JKAMP: variants seen among roughly 807,000 people sequenced by gnomAD.
JKAMP encodes JNK1/MAPK8-associated membrane protein.
Under a neutral mutation model 40.2 loss-of-function variants are expected in JKAMP, and 20 were observed. The observed-to-expected ratio is 0.50, with a 90% CI of 0.35 to 0.72. JKAMP has a LOEUF of 0.72. Ranked by LOEUF, JKAMP falls within the 30% of genes least tolerant of loss-of-function variation. JKAMP has a pLI of 0.01. For synonymous variants in JKAMP, 138 were observed against 131.6 expected (o/e 1.05, Z -0.33); for missense variants, 276 against 373.0 (o/e 0.74, Z 2.14).
At chr14:59,502,263 T>C (rs984613622) in intron 6 of JKAMP, among the ~76,000 whole-genome samples, 1 of 152,208 alleles carries the variant, frequency 6.6e-6, no homozygotes, top group Non-Finnish European at 1.5e-5. Flanking sequence ...GAACTCTTTG[T>C]TCTAAGGCCA....
chr14:59,492,050 T>C (rs1005902161), intron 3 of JKAMP, among the ~76,000 whole-genome samples: 5 of 152,176 alleles, frequency 3.3e-5, no homozygotes, highest in Admixed American at 6.5e-5. Context: ...CTAGGACTTA[T>C]TGGTACATGC....
intron 3 of JKAMP, among the ~76,000 whole-genome samples, chr14:59,490,982 C>G (rs185038813): frequency 6.6e-6 from 1 of 152,182 alleles, no homozygotes; most frequent in African/African-American, 2.4e-5. Flanking sequence ...AATGCTCAGA[C>G]AGGAAAGGAG....
chr14:59,496,117 GCTGGTCTTGAACTC>G (rs1256683013), intron 4 of JKAMP, among the ~76,000 whole-genome samples: 1 of 152,158 alleles, frequency 6.6e-6, no homozygotes, highest in Non-Finnish European at 1.5e-5. Context: ...TGTTGGCCAG[GCTGGTCTTGAACTC>G]CTGGCCTTAA....
At position 59,498,722 on chromosome 14, in the gene JKAMP, T is replaced by A; in HGVS notation, c.459-5T>A. 1 of 1,396,348 alleles carries A rather than the reference T, an allele frequency of 7.2e-7. No individual in the cohort carries two copies. Among genetic ancestry groups the A allele is most frequent in the Non-Finnish European group, 9.8e-7 (1 of 1,016,144 alleles). 86.5% of individuals were successfully genotyped at this position (1,396,348 alleles called of 1,614,324 possible). On this transcript the variant is annotated splice_region_variant and splice_polypyrimidine_tract_variant and intron_variant, in intron 4 of 6. Transcript: ENST00000616435. ...ATGTTACAAATTCTTTATTTTATTT[T>A]ACAGATATACCATTGTATTTATCTA... is the stretch of plus-strand genomic sequence containing the variant.
intron 4 of JKAMP, among the ~76,000 whole-genome samples, chr14:59,496,408 G>T (rs1313691182): frequency 2.6e-5 from 4 of 151,334 alleles, no homozygotes; most frequent in Non-Finnish European, 5.9e-5. Context: ...GGTCCTATTT[G>T]GAAAACTTAA....
At chr14:59,503,336 T>C (rs954984428) in intron 6 of JKAMP, among the ~76,000 whole-genome samples, 1 of 152,202 alleles carries the variant, frequency 6.6e-6, no homozygotes, top group Non-Finnish European at 1.5e-5. Flanking sequence ...AATTTCTGCA[T>C]AGCATACAGG....
intron 6 of JKAMP, among the ~76,000 whole-genome samples, chr14:59,502,773 T>TGTTTTTGTTTTTTTTTTTTTTTTG (rs796697193): frequency 9.7e-6 from 1 of 102,836 alleles, no homozygotes; most frequent in African/African-American, 3.9e-5. Flanking sequence ...TTTTTTTTTT[T>TGTTTTTGTTTTTTTTTTTTTTTTG]CGGAGTCTCA....
intron 4 of JKAMP, among the ~76,000 whole-genome samples, chr14:59,497,738 C>T (rs1223094438): frequency 2.0e-5 from 3 of 151,986 alleles, no homozygotes; most frequent in African/African-American, 7.3e-5. Context: ...AAAATTATCA[C>T]CCAAGAGATC....
At chr14:59,486,600 CAT>C in intron 1 of JKAMP, 111 bp from the exon 2 acceptor site, 1 of 709,810 alleles carries the variant, frequency 1.4e-6, no homozygotes, top group Non-Finnish European at 2.4e-6. Flanking sequence ...TTGTCTAATA[CAT>C]ATTATTCAAA....
rs748901420 is a variant in JKAMP, at chr14:59,495,196, C to T, written c.430C>T (p.His144Tyr). The T allele has an allele frequency of 5.6e-6, 9 of 1,612,424 alleles. No individual in the cohort carries two copies. Among genetic ancestry groups the T allele is most frequent in the South Asian group, 3.3e-5 (3 of 91,062 alleles). Reference protein sequence around the residue: ...NPSPDYVTTVHCTHEAVYPLY... With the variant: ...NPSPDYVTTVYCTHEAVYPLY... ...AAGTCCAGATTACGTTACCACAGTA[C>T]ACTGTACTCATGAAGCCGTCTACCC... is the stretch of plus-strand genomic sequence containing the variant. Residue 144 changes from histidine to tyrosine, a missense_variant, in exon 4 of 7, where the codon CAC becomes TAC. His to Tyr is a moderately conservative substitution (Grantham distance 83). Transcript: ENST00000616435.
chr14:59,496,499 T>C (rs1311621034), intron 4 of JKAMP, among the ~76,000 whole-genome samples: 1 of 152,156 alleles, frequency 6.6e-6, no homozygotes, highest in Non-Finnish European at 1.5e-5. Context: ...AGCGATAGTC[T>C]CATTTATGTT....
In JKAMP at chr14:59,503,897, T is replaced by C; in HGVS notation, c.761T>C (p.Leu254Pro). The part of the protein sequence containing the change: ...LLVRKKRLIV[L>P]FSHWLLHAYG... ...GTCAGAAAGAAAAGACTTATTGTTC[T>C]CTTCAGCCACTGGTTACTTCATGCC... Residue 254 changes from leucine (L) to proline (P), a missense_variant, in exon 7 of 7, where the codon CTC becomes CCC. By Grantham distance (98) the Leu-to-Pro change is moderately conservative. Transcript: ENST00000616435. The C allele has an allele frequency of 6.2e-7, 1 of 1,613,512 alleles. No homozygotes were observed. Among genetic ancestry groups the C allele is most frequent in the Non-Finnish European group, 8.5e-7 (1 of 1,179,426 alleles).
At chr14:59,501,518 T>G (rs1348029139) in intron 6 of JKAMP, among the ~76,000 whole-genome samples, 2 of 152,192 alleles carry the variant, frequency 1.3e-5, no homozygotes, top group African/African-American at 4.8e-5. Flanking sequence ...GAAATGTCAT[T>G]TCACATAATT....
chr14:59,502,755 T>TGTTTTGTTTTGTTTTTG (rs67189643), intron 6 of JKAMP, among the ~76,000 whole-genome samples: 2 of 122,914 alleles, frequency 1.6e-5, no homozygotes, highest in South Asian at 2.7e-4. Flanking sequence ...ATGAGATTTT[T>TGTTTTGTTTTGTTTTTG]TTTTTTTTTT....
rs143586216 is a variant in JKAMP at position 59,501,534 on chromosome 14, A to G, written c.717+267A>G. 3.9e-3 allele frequency among the ~76,000 whole-genome samples: 598 copies of G among 152,324 alleles called. 3 individuals are homozygous for G. Among genetic ancestry groups the G allele is most frequent in the African/African-American group, 0.013 (561 of 41,582 alleles). Reference sequence around the variant, plus strand: ...AAATGTCATTTCACATAATTTTCCCATGTAGCAAACATATAATTATTGAAA... The same window carrying G: ...AAATGTCATTTCACATAATTTTCCCGTGTAGCAAACATATAATTATTGAAA... On this transcript the variant is annotated intron_variant, in intron 6 of 6. Transcript: ENST00000616435.
chr14:59,505,281 GA>G lies in JKAMP; in HGVS notation c.*1212del. The G allele has an allele frequency of 6.6e-7, 1 of 1,509,508 alleles. No individual in the cohort carries two copies. Among genetic ancestry groups the G allele is most frequent in the Non-Finnish European group, 8.9e-7 (1 of 1,128,342 alleles). The allele number at this position is 1,509,508 out of a possible 1,614,324, so 93.5% of individuals were successfully genotyped here. On this transcript the variant is annotated 3_prime_UTR_variant, in exon 7 of 7. Coordinates refer to ENST00000616435, the MANE Select transcript of JKAMP (RefSeq NM_016475.5). The stretch of plus-strand genomic sequence containing the variant: ...TTTTCTCAGTACATTTAACCACTGG[GA>G]AATGAACCCTTGTACGAATGTGTTT...
chr14:59,492,463 A>G (rs554442262), intron 3 of JKAMP, among the ~76,000 whole-genome samples: 1 of 152,326 alleles, frequency 6.6e-6, no homozygotes, highest in Middle Eastern at 3.4e-3. Context: ...TAACAATTCC[A>G]TGAACTTCTG....
chr14:59,498,923 TA>T lies in JKAMP; in HGVS notation c.640+18del. Reference sequence around the variant, plus strand: ...AGGCCTTTTATGTAAGTTTGATGGGTAAAGTCAATGAAATATATTTATTATT... The same window carrying T: ...AGGCCTTTTATGTAAGTTTGATGGGTAAGTCAATGAAATATATTTATTATT... On this transcript the variant is annotated intron_variant, in intron 5 of 6. Coordinates refer to ENST00000616435, the MANE Select transcript of JKAMP (RefSeq NM_016475.5). 2 of 1,507,418 alleles carry T rather than the reference TA, an allele frequency of 1.3e-6. No individual in the cohort carries two copies. The highest frequency in any genetic ancestry group is 1.9e-5 in the Admixed American group (1 of 52,040). The allele number at this position is 1,507,418 out of a possible 1,614,324, so 93.4% of individuals were successfully genotyped here.
intron 1 of JKAMP, chr14:59,485,264 C>T (rs1253105): frequency 4.4e-6 from 3 of 683,766 alleles, no homozygotes; most frequent in Non-Finnish European, 6.8e-6. Context: ...CAATTCCTTA[C>T]CTTCTGCATT....
Sources: gnomAD v4.1 joint callset for allele counts (sites outside exome capture counted in the v4.1 genomes callset) on GRCh38, gnomAD v4.1.1 for gene constraint, MANE v1.5 for transcripts, NCBI Gene and HGNC (gene_info 2026-07-23, HGNC 2026-07-21) for gene names.